The following TENT4A variants were observed in gnomAD, a reference collection of about 807,000 sequenced individuals.
TENT4A encodes the protein terminal nucleotidyltransferase 4A, also known as DNA polymerase kappa.
In TENT4A, 7 loss-of-function variants were observed where a neutral mutation model predicts 72.8. That is an observed-to-expected ratio of 0.10 (90% confidence interval 0.05 to 0.18). TENT4A has a LOEUF of 0.18. Among genes scored for constraint, TENT4A ranks in the 10% least tolerant of loss-of-function variants. The probability of loss-of-function intolerance (pLI) is 1.00; values close to 1 mark genes in which losing one functional copy is unlikely to be tolerated. For synonymous variants in TENT4A, 456 were observed against 434.3 expected (o/e 1.05, Z -0.62); for missense variants, 831 against 1,017.7 (o/e 0.82, Z 2.50).
rs1407135962 is a variant in TENT4A at position 6,713,909 on chromosome 5, G to C, written c.-75G>C. 5.4e-6 allele frequency: 3 copies of C among 552,002 alleles called. No homozygotes were observed. Among genetic ancestry groups the C allele is most frequent in the African/African-American group, 2.1e-5 (1 of 48,056 alleles). The allele number at this position is 552,002 out of a possible 1,614,324, so 34.2% of individuals were successfully genotyped here. On this transcript the variant is annotated 5_prime_UTR_variant, in exon 1 of 13. Coordinates refer to ENST00000230859, the MANE Select transcript of TENT4A (RefSeq NM_006999.6). ...TCCGTCCGTCCGTGCGCGCGCGGCC[G>C]GGCCTCGGGGCGCGGCGGGGGCGGG...
At chr5:6,743,986 A>G (rs1237127198) in intron 6 of TENT4A, 146 bp downstream of exon 6, 2 of 731,656 alleles carry the variant, frequency 2.7e-6, no homozygotes, top group Non-Finnish European at 4.5e-6. Context: ...TGATTCTTAC[A>G]ATCAAACCCT....
At chr5:6,743,456 G>A (rs139282517) in intron 5 of TENT4A, among the ~76,000 whole-genome samples, 1 of 152,198 alleles carries the variant, frequency 6.6e-6, no homozygotes, top group Non-Finnish European at 1.5e-5. Context: ...TTGTGCCTGT[G>A]GACTCGTCAT....
At chr5:6,721,833 C>G (rs1740667154) in intron 1 of TENT4A, among the ~76,000 whole-genome samples, 1 of 152,174 alleles carries the variant, frequency 6.6e-6, no homozygotes, top group Non-Finnish European at 1.5e-5. Context: ...CCGTGCATAA[C>G]CAGTTAGGCT....
At chr5:6,745,038 C>T (rs531488403) in intron 6 of TENT4A, among the ~76,000 whole-genome samples, 47 of 152,310 alleles carry the variant, frequency 3.1e-4, no homozygotes, top group African/African-American at 9.9e-4. Flanking sequence ...CTGCCACATC[C>T]CTGTGCCTTG....
chr5:6,746,216 G>A lies in TENT4A; in HGVS notation c.1248G>A (p.Leu416=). The A allele has an allele frequency of 6.2e-7, 1 of 1,614,148 alleles. No homozygotes were observed. Among genetic ancestry groups the A allele is most frequent in the Non-Finnish European group, 8.5e-7 (1 of 1,180,022 alleles). The change falls in exon 7 of 13, where the codon TTG becomes TTA. Residue 416 remains leucine, a splice_region_variant and synonymous_variant. Coordinates refer to ENST00000230859, the MANE Select transcript of TENT4A (RefSeq NM_006999.6). ...TTGTGGGTGCATTGCTTTTACAGTT[G>A]CATCCAAGAATTGATGCCCGGAGAG... ...LILMAISFLQ[L]HPRIDARRAD...
At chr5:6,737,417 A>G in intron 1 of TENT4A, 93 bp from the exon 2 acceptor site, 4 of 1,185,036 alleles carry the variant, frequency 3.4e-6, no homozygotes, top group Non-Finnish European at 3.5e-6. Flanking sequence ...GTGGCCAGAA[A>G]TATGTTTGAG....
rs961078914 is a variant in TENT4A at position 6,713,724 on chromosome 5, G to C, written c.-260G>C. On this transcript the variant is annotated 5_prime_UTR_variant, in exon 1 of 13. Transcript: ENST00000230859. ...CCCGGAGACCGCAGCCGCCCGCTGG[G>C]ACGCGCCAAGCGCCGGAGCCGCCCG... is the stretch of plus-strand genomic sequence containing the variant. 6.8e-6 allele frequency: 1 copy of C among 146,034 alleles called. No homozygotes were observed. Among genetic ancestry groups the C allele is most frequent in the African/African-American group, 2.5e-5 (1 of 40,510 alleles). 9.0% of individuals were successfully genotyped at this position (146,034 alleles called of 1,614,324 possible).
Position 6,756,874 on chromosome 5 carries a change from G to GTGAAGCAAA in TENT4A, c.*1934_*1942dup. Reference sequence around the variant, plus strand: ...GGTACCATGTTCCATTTCCGTCATGGTGAAGCAAATGAATTGGCCTGGCTA... The same window carrying GTGAAGCAAA: ...GGTACCATGTTCCATTTCCGTCATGGTGAAGCAAATGAAGCAAATGAATTGGCCTGGCTA... On this transcript the variant is annotated 3_prime_UTR_variant, in exon 13 of 13. Transcript: ENST00000230859. 6.5e-6 allele frequency: 1 copy of GTGAAGCAAA among 152,714 alleles called. No individual in the cohort carries two copies. The highest frequency in any genetic ancestry group is 2.4e-5 in the African/African-American group (1 of 41,556). The allele number at this position is 152,714 out of a possible 1,614,324, so 9.5% of individuals were successfully genotyped here.
intron 1 of TENT4A, among the ~76,000 whole-genome samples, chr5:6,721,418 C>G (rs1027801990): frequency 6.6e-6 from 1 of 152,248 alleles, no homozygotes; most frequent in African/African-American, 2.4e-5. Flanking sequence ...AGAAAACATT[C>G]AAGAAAATTC....
intron 1 of TENT4A, among the ~76,000 whole-genome samples, chr5:6,731,457 G>A (rs1371162175): frequency 6.6e-6 from 1 of 152,088 alleles, no homozygotes; most frequent in Non-Finnish European, 1.5e-5. Flanking sequence ...TTGAGAGTTG[G>A]GAAATTTCAG....
chr5:6,743,989 C>G, intron 6 of TENT4A, 149 bp downstream of exon 6: 2 of 725,982 alleles, frequency 2.8e-6, no homozygotes, highest in South Asian at 1.9e-5. Flanking sequence ...TTCTTACAAT[C>G]AAACCCTCTT....
chr5:6,742,187 G>A (rs559340540), intron 4 of TENT4A, among the ~76,000 whole-genome samples: 28 of 152,286 alleles, frequency 1.8e-4, no homozygotes, highest in African/African-American at 6.7e-4. Flanking sequence ...ACATAGGGTG[G>A]GCGTGGCAGA....
chr5:6,724,123 G>A (rs559444130), intron 1 of TENT4A, among the ~76,000 whole-genome samples: 12 of 152,328 alleles, frequency 7.9e-5, no homozygotes, highest in East Asian at 5.8e-4. Context: ...TGATTCAAGC[G>A]TCTTGCCCAA....
chr5:6,731,153 C>T (rs1263334811), intron 1 of TENT4A, among the ~76,000 whole-genome samples: 1 of 152,180 alleles, frequency 6.6e-6, no homozygotes, highest in African/African-American at 2.4e-5. Context: ...GGCAAAAATG[C>T]ATAGTGAACA....
intron 1 of TENT4A, among the ~76,000 whole-genome samples, chr5:6,734,160 G>A (rs892851304): frequency 6.6e-5 from 10 of 152,268 alleles, no homozygotes; most frequent in Non-Finnish European, 1.5e-4. Flanking sequence ...ATGGCCTCCA[G>A]AGTCATGCGG....
chr5:6,750,900 C>A, intron 10 of TENT4A, 139 bp from the exon 11 acceptor site: 1 of 868,922 alleles, frequency 1.2e-6, no homozygotes, highest in Non-Finnish European at 1.8e-6. Context: ...GTTTGGGCTG[C>A]CTGTTCAGAA....
At chr5:6,716,481 C>G (rs989388387) in intron 1 of TENT4A, among the ~76,000 whole-genome samples, 1 of 152,218 alleles carries the variant, frequency 6.6e-6, no homozygotes, top group Non-Finnish European at 1.5e-5. Flanking sequence ...GCTCTTGTTA[C>G]TTCTGTGGAG....
In TENT4A at chr5:6,755,652, T is replaced by C. The variant is rs1742654101; in HGVS notation, c.*707T>C. The C allele has an allele frequency of 6.6e-6, 1 of 152,414 alleles. No homozygotes were observed. Among genetic ancestry groups the C allele is most frequent in the African/African-American group, 2.4e-5 (1 of 41,450 alleles). The allele number at this position is 152,414 out of a possible 1,614,324, so 9.4% of individuals were successfully genotyped here. ...TTTATTTTGATGTCTTTTCTTTTGG[T>C]CGGAAGTGAGTGAAGGAGCCAGGTC... On this transcript the variant is annotated 3_prime_UTR_variant, in exon 13 of 13. Coordinates refer to ENST00000230859, the MANE Select transcript of TENT4A (RefSeq NM_006999.6).
chr5:6,731,965 C>T (rs755212364), intron 1 of TENT4A, among the ~76,000 whole-genome samples: 1 of 152,210 alleles, frequency 6.6e-6, no homozygotes, highest in Non-Finnish European at 1.5e-5. Flanking sequence ...ATTTTACATA[C>T]GCTGTCCTGG....
Sources: allele counts gnomAD v4.1 joint callset (sites outside exome capture counted in the v4.1 genomes callset), GRCh38; gene constraint gnomAD v4.1.1; transcripts MANE v1.5; gene names NCBI Gene and HGNC (gene_info 2026-07-23, HGNC 2026-07-21).